The following PLOD1 variants were observed in gnomAD, a reference collection of about 807,000 sequenced individuals.
The protein encoded by PLOD1 is lysine hydroxylase.
A neutral mutation model predicts 94.7 loss-of-function variants in PLOD1; 70 were observed. The ratio of observed to expected loss-of-function variants is 0.74; its 90% CI spans 0.61 to 0.90. The LOEUF is 0.90. Among genes scored for constraint, PLOD1 ranks in the 40% least tolerant of loss-of-function variants. The pLI, the probability that PLOD1 is intolerant of heterozygous loss-of-function variation, is 0.00. For synonymous variants in PLOD1, 417 were observed against 400.2 expected, an observed-to-expected ratio of 1.04 and a Z score of -0.50; for missense variants, 905 against 972.7, an observed-to-expected ratio of 0.93 and a Z score of 0.93.
Position 11,970,780 on chromosome 1 carries a change from C to G in PLOD1, c.1866C>G (p.Pro622=). The change falls in exon 17 of 19, where the codon CCC becomes CCG. Residue 622 remains proline, a synonymous_variant. Transcript: ENST00000196061. ...WHKFLLEYIA[P]MTEKLYPGYY... is the part of the protein sequence containing the mutation. ...AATTCCTGCTGGAGTACATTGCGCC[C>G]ATGACGGAGAAGCTCTACCCCGGCT... The G allele has an allele frequency of 2.5e-6, 4 of 1,609,712 alleles. No homozygotes were observed. Among genetic ancestry groups the G allele is most frequent in the Non-Finnish European group, 3.4e-6 (4 of 1,179,288 alleles).
At chr1:11,955,853 T>C (rs1246674254) in intron 6 of PLOD1, among the ~76,000 whole-genome samples, 2 of 151,920 alleles carry the variant, frequency 1.3e-5, no homozygotes, top group Non-Finnish European at 2.9e-5. Flanking sequence ...CTCGAACTCC[T>C]GACCTCAGGT....
At chr1:11,969,522 C>A (rs1645845902) in intron 16 of PLOD1, among the ~76,000 whole-genome samples, 1 of 152,204 alleles carries the variant, frequency 6.6e-6, no homozygotes, top group African/African-American at 2.4e-5. Flanking sequence ...GCTCCAGTGA[C>A]AGGGCCAGAC....
Position 11,965,464 on chromosome 1 carries a change from G to T in PLOD1, c.1471-16G>T. 14 of 1,522,722 alleles carry T rather than the reference G, an allele frequency of 9.2e-6. No homozygotes were observed. The highest frequency in any genetic ancestry group is 1.3e-5 in the Non-Finnish European group (14 of 1,097,636). 94.3% of individuals were successfully genotyped at this position (1,522,722 alleles called of 1,614,324 possible). A position where few individuals can be genotyped will look rare whatever the true frequency, so the allele number is the denominator to read the frequency against. On this transcript the variant is annotated splice_polypyrimidine_tract_variant and intron_variant, in intron 13 of 18. Transcript: ENST00000196061. ...GGGTGGGGGAGCGCCTCTTCCACCGGGCCTGTCCTCCCCAGGATGTGTTCA... is the reference window on the plus strand; with the variant it reads ...GGGTGGGGGAGCGCCTCTTCCACCGTGCCTGTCCTCCCCAGGATGTGTTCA...
rs1391982281 is a variant in PLOD1, at chr1:11,967,597, G to GTGTATATATATATATATATATA, written c.1755+507_1755+508insGTATATATATATATATATATAT. On this transcript the variant is annotated intron_variant, in intron 16 of 18. Coordinates refer to ENST00000196061, the MANE Select transcript of PLOD1 (RefSeq NM_000302.4). The stretch of plus-strand genomic sequence containing the variant: ...TTTTTCTTTTCATGTGTGTGTGTGT[G>GTGTATATATATATATATATATA]TATATATATATATATATAAAAAGAA... 3.1e-3 allele frequency among the ~76,000 whole-genome samples: 182 copies of GTGTATATATATATATATATATA among 59,602 alleles called. No individual in the cohort carries two copies. In the East Asian group the frequency reaches 0.032, roughly 11 times the overall value. The allele number at this position is 59,602 out of a possible 152,430, so 39.1% of individuals were successfully genotyped here. A position where few individuals can be genotyped will look rare whatever the true frequency, so the allele number is the denominator to read the frequency against.
chr1:11,967,992 C>G (rs993891349), intron 16 of PLOD1, among the ~76,000 whole-genome samples: 2 of 149,628 alleles, frequency 1.3e-5, no homozygotes, highest in Non-Finnish European at 3.0e-5. Flanking sequence ...CTCGTTCTGT[C>G]ACCTAGGCTG....
chr1:11,964,323 T>TGGGGGGGG, intron 12 of PLOD1, 23 bp downstream of exon 12: 1 of 274,712 alleles, frequency 3.6e-6, no homozygotes, highest in Non-Finnish European at 7.3e-6. Flanking sequence ...AGGGTGGGGG[T>TGGGGGGGG]GGGTGGGGGA....
intron 5 of PLOD1, among the ~76,000 whole-genome samples, chr1:11,953,655 G>A (rs552855088): frequency 2.6e-5 from 4 of 151,720 alleles, no homozygotes; most frequent in African/African-American, 9.6e-5. Context: ...AGCCGTGCGT[G>A]GTGGTGGGTG....
rs750758605 is a variant in PLOD1, at chr1:11,972,854, C to A, written c.1903-18C>A. 39 of 1,613,744 alleles carry A rather than the reference C, an allele frequency of 2.4e-5. No homozygotes were observed. The highest frequency in any genetic ancestry group is 3.1e-5 in the Non-Finnish European group (37 of 1,179,770). On this transcript the variant is annotated intron_variant, in intron 17 of 18. Transcript: ENST00000196061. The surrounding 1 kb of genome is among the most constrained non-coding windows in gnomAD (Gnocchi z 4.6). ...CCTTAACTAACACGGGCTCTCTTGTCCCCCTGCCTTGGTACAGGCCCAGTT... is the reference window on the plus strand; with the variant it reads ...CCTTAACTAACACGGGCTCTCTTGTACCCCTGCCTTGGTACAGGCCCAGTT...
chr1:11,966,870 C>T, intron 15 of PLOD1, 117 bp from the exon 16 acceptor site: 1 of 763,890 alleles, frequency 1.3e-6, no homozygotes, highest in South Asian at 1.4e-5. Context: ...ATTGACAAGG[C>T]CCTGCTCCCC....
At chr1:11,936,077 C>T (rs538523442) in intron 1 of PLOD1, among the ~76,000 whole-genome samples, 1 of 152,228 alleles carries the variant, frequency 6.6e-6, no homozygotes, top group Admixed American at 6.5e-5. Flanking sequence ...GATCAGCCCA[C>T]CTTGGTCTCC....
intron 16 of PLOD1, 48 bp downstream of exon 16, chr1:11,967,139 A>C (rs773596374): frequency 8.0e-7 from 1 of 1,243,934 alleles, no homozygotes; most frequent in South Asian, 1.2e-5. Flanking sequence ...CTGCCTCTCC[A>C]TCAGTGCCGC....
intron 1 of PLOD1, among the ~76,000 whole-genome samples, chr1:11,937,584 C>T (rs75973521): frequency 0.026 from 3,893 of 152,254 alleles, 160 homozygotes; most frequent in African/African-American, 0.088. Context: ...CCCAGACCAT[C>T]CCAGGAGAGA....
In PLOD1 at chr1:11,974,880, G is replaced by A. The variant is rs1037908816; in HGVS notation, c.*72G>A. 2.8e-5 allele frequency: 42 copies of A among 1,483,310 alleles called. No individual in the cohort carries two copies. The highest frequency in any genetic ancestry group is 2.2e-4 in the African/African-American group (16 of 72,086). 91.9% of individuals were successfully genotyped at this position (1,483,310 alleles called of 1,614,324 possible). ...ACTGCCCAGCAGCCTCTGGGACCTC[G>A]GGGTCCCAGGGAACCCAGTCCAGCC... On this transcript the variant is annotated 3_prime_UTR_variant, in exon 19 of 19. Coordinates refer to ENST00000196061, the MANE Select transcript of PLOD1 (RefSeq NM_000302.4).
At position 11,943,055 on chromosome 1, in the gene PLOD1, C is replaced by T. The variant is rs147942801; in HGVS notation, c.77-4921C>T. On this transcript the variant is annotated intron_variant, in intron 1 of 18. Coordinates refer to ENST00000196061, the MANE Select transcript of PLOD1 (RefSeq NM_000302.4). The stretch of plus-strand genomic sequence containing the variant: ...AGGCTAGAGTGCAGTGGCATTATCT[C>T]GGCTCACTGCAATCTCTGCCCCCTG... Among the ~76,000 whole-genome samples the T allele has an allele frequency of 1.8e-3, 271 of 152,278 alleles. 2 individuals are homozygous for T. In the East Asian group the frequency reaches 0.019, roughly 10 times the overall value.
intron 5 of PLOD1, among the ~76,000 whole-genome samples, chr1:11,953,262 G>A (rs1437976120): frequency 1.3e-5 from 2 of 151,680 alleles, no homozygotes; most frequent in African/African-American, 2.4e-5. Flanking sequence ...CACTACGTTC[G>A]CCAGGCTGGT....
In PLOD1 at chr1:11,965,480, G is replaced by T. The variant is rs1283020139; in HGVS notation, c.1471G>T (p.Asp491Tyr). Residue 491 changes from aspartate (D) to tyrosine (Y), a missense_variant and splice_region_variant, in exon 14 of 19, where the codon GAT becomes TAT. Physicochemically the swap from Asp to Tyr is radical, Grantham distance 160. Transcript: ENST00000196061. ...MAFCANIRQQ[D>Y]VFMFLTNRHT... The stretch of plus-strand genomic sequence containing the variant: ...CTTCCACCGGGCCTGTCCTCCCCAG[G>T]ATGTGTTCATGTTCCTGACCAACCG... 6.3e-7 allele frequency: 1 copy of T among 1,599,858 alleles called. No homozygotes were observed. Among genetic ancestry groups the T allele is most frequent in the African/African-American group, 1.3e-5 (1 of 74,548 alleles).
intron 10 of PLOD1, among the ~76,000 whole-genome samples, chr1:11,961,814 A>C (rs150906312): frequency 2.6e-4 from 39 of 152,170 alleles, no homozygotes; most frequent in African/African-American, 9.2e-4. Context: ...TTAGAGACTG[A>C]GTCTCACTCC....
chr1:11,967,457 C>A (rs1645826678), intron 16 of PLOD1, among the ~76,000 whole-genome samples: 1 of 150,902 alleles, frequency 6.6e-6, no homozygotes, highest in South Asian at 2.1e-4. Context: ...GCTGTCGGGT[C>A]CAAGTTCATC....
At position 11,967,010 on chromosome 1, in the gene PLOD1, C is replaced by T; in HGVS notation, c.1674C>T (p.Phe558=). The T allele has an allele frequency of 1.2e-6, 2 of 1,613,398 alleles. No individual in the cohort carries two copies. The highest frequency in any genetic ancestry group is 1.7e-6 in the Non-Finnish European group (2 of 1,179,280). The change falls in exon 16 of 19, where the codon TTC becomes TTT. Residue 558 remains phenylalanine, a synonymous_variant. Transcript: ENST00000196061. ...VETPCPDVYW[F]PIFTEVACDE... ...AGCCCTGCCCGGATGTCTATTGGTTCCCCATCTTCACGGAGGTGGCCTGTG... is the reference window on the plus strand; with the variant it reads ...AGCCCTGCCCGGATGTCTATTGGTTTCCCATCTTCACGGAGGTGGCCTGTG...
Sources: allele counts gnomAD v4.1 joint callset (sites outside exome capture counted in the v4.1 genomes callset), GRCh38; gene constraint gnomAD v4.1.1; non-coding constraint Gnocchi (gnomAD v3.1); transcripts MANE v1.5; gene names NCBI Gene and HGNC (gene_info 2026-07-23, HGNC 2026-07-21).